The following COMMD7 variants were observed in gnomAD, a reference collection of about 807,000 sequenced individuals.
COMMD7 encodes the protein COMM domain containing 7, also known as COMM domain-containing protein 7.
A neutral mutation model predicts 34.8 loss-of-function variants in COMMD7; 28 were observed. The observed-to-expected ratio is 0.80, with a 90% CI of 0.60 to 1.10. The LOEUF (loss-of-function observed/expected upper bound fraction) is 1.10, where lower values mean the gene tolerates loss of function less well. COMMD7 is among the 50% of genes least tolerant of loss of function. The pLI is 0.00. For missense variants in COMMD7, 211 were observed against 241.6 expected, an observed-to-expected ratio of 0.87 and a Z score of 0.84; for synonymous variants, 80 against 86.4, an observed-to-expected ratio of 0.93 and a Z score of 0.41.
chr20:32,730,034 G>C (rs1414063073), intron 1 of COMMD7, among the ~76,000 whole-genome samples: 1 of 151,856 alleles, frequency 6.6e-6, no homozygotes. Flanking sequence ...AGAAAGAAAT[G>C]TCTGCTGTTG....
chr20:32,705,750 G>A (rs1279767525), intron 5 of COMMD7, among the ~76,000 whole-genome samples: 1 of 152,144 alleles, frequency 6.6e-6, no homozygotes, highest in Non-Finnish European at 1.5e-5. Context: ...GTCAAATCAG[G>A]AGAAATGATT....
chr20:32,741,017 C>T (rs561112151), intron 1 of COMMD7, among the ~76,000 whole-genome samples: 5 of 151,984 alleles, frequency 3.3e-5, no homozygotes, highest in African/African-American at 1.2e-4. Context: ...GTGGTGCACG[C>T]CTGTAGTCCC....
intron 1 of COMMD7, among the ~76,000 whole-genome samples, chr20:32,730,063 T>C (rs1359258863): frequency 2.0e-5 from 3 of 152,028 alleles, no homozygotes; most frequent in Non-Finnish European, 4.4e-5. Context: ...CAGTCTATGA[T>C]ATTTTGCCTT....
chr20:32,714,339 T>A (rs1230601356), intron 3 of COMMD7, among the ~76,000 whole-genome samples: 7 of 151,932 alleles, frequency 4.6e-5, no homozygotes, highest in Non-Finnish European at 8.8e-5. Context: ...CATAAAAAAA[T>A]AAAATAAAAT....
In COMMD7 at chr20:32,723,020, A is replaced by AAAAT. The variant is rs1555806259; in HGVS notation, c.241+4869_241+4872dup. Reference sequence around the variant, plus strand: ...GGTGACAGAGCAAGACTCCATCTCAAAAATAAATAAATAAATAAATAAATA... The same window carrying AAAAT: ...GGTGACAGAGCAAGACTCCATCTCAAAAATAAATAAATAAATAAATAAATAAATA... On this transcript the variant is annotated intron_variant, in intron 3 of 8. Coordinates refer to ENST00000278980, the MANE Select transcript of COMMD7 (RefSeq NM_053041.3). Among the ~76,000 whole-genome samples, 737 of 75,828 alleles carry AAAAT rather than the reference A, an allele frequency of 9.7e-3. 178 individuals carry two copies. The highest frequency in any genetic ancestry group is 0.016 in the Non-Finnish European group (520 of 33,260). The allele number at this position is 75,828 out of a possible 152,430, so 49.7% of individuals were successfully genotyped here.
intron 1 of COMMD7, among the ~76,000 whole-genome samples, chr20:32,733,991 C>T (rs8122269): frequency 0.16 from 23,963 of 150,310 alleles, 2,150 homozygotes; most frequent in East Asian, 0.4. Flanking sequence ...ATCCTGGCTA[C>T]GGTGAAACCC....
intron 3 of COMMD7, among the ~76,000 whole-genome samples, chr20:32,722,705 CAG>C (rs1309556087): frequency 1.4e-5 from 2 of 145,816 alleles, no homozygotes; most frequent in African/African-American, 5.1e-5. Context: ...GCCTGGGTGA[CAG>C]AGTGAGACTC....
At chr20:32,731,999 G>A (rs1985865063) in intron 1 of COMMD7, among the ~76,000 whole-genome samples, 1 of 152,236 alleles carries the variant, frequency 6.6e-6, no homozygotes, top group Non-Finnish European at 1.5e-5. Flanking sequence ...GCTGGTGAAA[G>A]TACAAGGAAG....
rs895488150 is a variant in COMMD7 at position 32,702,766 on chromosome 20, T to C, written c.*616A>G. 6.6e-6 allele frequency: 1 copy of C among 152,248 alleles called. No homozygotes were observed. The highest frequency in any genetic ancestry group is 1.5e-5 in the Non-Finnish European group (1 of 68,066). 9.4% of individuals were successfully genotyped at this position (152,248 alleles called of 1,614,324 possible). The stretch of plus-strand genomic sequence containing the variant: ...TGGTTGGCTCGAACTCAAACTAAAA[T>C]GGCCTCAAAAGGCCCACCTCGTTAC... On this transcript the variant is annotated 3_prime_UTR_variant, in exon 9 of 9. Transcript: ENST00000278980.
At chr20:32,720,757 G>A (rs1985103628) in intron 3 of COMMD7, among the ~76,000 whole-genome samples, 2 of 152,202 alleles carry the variant, frequency 1.3e-5, no homozygotes, top group South Asian at 4.1e-4. Flanking sequence ...AGTGAGCTAT[G>A]AGAATCAGTC....
chr20:32,741,590 C>G (rs1399601915), intron 1 of COMMD7, among the ~76,000 whole-genome samples: 1 of 152,092 alleles, frequency 6.6e-6, no homozygotes. Context: ...AGGGTTTCAT[C>G]ATGTTGGCCA....
intron 1 of COMMD7, 65 bp downstream of exon 1, chr20:32,743,243 C>A (rs1170039175): frequency 4.4e-6 from 4 of 899,414 alleles, no homozygotes; most frequent in Admixed American, 2.6e-5. Context: ...GACGTCCCCC[C>A]CACCCCAGGC....
At chr20:32,721,882 G>A (rs939998310) in intron 3 of COMMD7, among the ~76,000 whole-genome samples, 4 of 134,662 alleles carry the variant, frequency 3.0e-5, no homozygotes, top group Non-Finnish European at 6.4e-5. Context: ...GGGCGACAGA[G>A]CAAGACGTTG....
chr20:32,735,168 G>A (rs1986067476), intron 1 of COMMD7, among the ~76,000 whole-genome samples: 1 of 150,908 alleles, frequency 6.6e-6, no homozygotes, highest in Non-Finnish European at 1.5e-5. Flanking sequence ...AACCCGGGAG[G>A]CAGAGGTTGC....
Position 32,706,603 on chromosome 20 carries a change from C to T in COMMD7, c.316G>A (p.Ala106Thr). Residue 106 changes from alanine (A) to threonine (T), a missense_variant, in exon 5 of 9, where the codon GCC (alanine) becomes ACC (threonine). Ala to Thr is a moderately conservative substitution (Grantham distance 58, BLOSUM62 0). Coordinates refer to ENST00000278980, the MANE Select transcript of COMMD7 (RefSeq NM_053041.3). ...TATACCTTTTCAGAAAAGTAAGTGGCTTTCTCCTCACTAAGACCTATAAGA... is the reference window on the plus strand; with the variant it reads ...TATACCTTTTCAGAAAAGTAAGTGGTTTTCTCCTCACTAAGACCTATAAGA... ...FITLGLSEEK[A>T]TYFSEKWKQN... The T allele has an allele frequency of 6.2e-7, 1 of 1,610,374 alleles. No individual in the cohort carries two copies. Among genetic ancestry groups the T allele is most frequent in the South Asian group, 1.1e-5 (1 of 90,966 alleles).
At chr20:32,722,438 G>A (rs545743738) in intron 3 of COMMD7, among the ~76,000 whole-genome samples, 25 of 151,994 alleles carry the variant, frequency 1.6e-4, no homozygotes, top group African/African-American at 5.1e-4. Context: ...ATGATTTATC[G>A]TTCTGGCCGG....
At chr20:32,738,016 C>A (rs903606710) in intron 1 of COMMD7, among the ~76,000 whole-genome samples, 1 of 151,942 alleles carries the variant, frequency 6.6e-6, no homozygotes, top group African/African-American at 2.4e-5. Context: ...TGGATATCTT[C>A]CAGAGAACAC....
At chr20:32,703,861 T>C (rs1404282529) in intron 8 of COMMD7, 162 bp downstream of exon 8, 2 of 1,548,296 alleles carry the variant, frequency 1.3e-6, no homozygotes, top group African/African-American at 2.7e-5. Flanking sequence ...TTTCTAACAC[T>C]CCTTGTGCCA....
At chr20:32,713,049 CTTT>C (rs1318989294) in intron 3 of COMMD7, among the ~76,000 whole-genome samples, 9 of 134,358 alleles carry the variant, frequency 6.7e-5, no homozygotes, top group Non-Finnish European at 6.5e-5. Context: ...TTTTTAATTT[CTTT>C]TTTTTTTTTT....
Sources: allele counts gnomAD v4.1 joint callset (sites outside exome capture counted in the v4.1 genomes callset), GRCh38; gene constraint gnomAD v4.1.1; transcripts MANE v1.5; gene names NCBI Gene and HGNC (gene_info 2026-07-23, HGNC 2026-07-21).